RIPK3: variants seen among roughly 807,000 people sequenced by gnomAD.
The protein encoded by RIPK3 is receptor interacting serine/threonine kinase 3.
RIPK3 carries 51 observed loss-of-function variants against 51.6 expected under a neutral mutation model. That is an observed-to-expected ratio of 0.99 (90% CI 0.79 to 1.25). The LOEUF is 1.25. Among genes scored for constraint, RIPK3 ranks in the 50% most tolerant of loss-of-function variants. RIPK3 has a pLI of 0.00. For synonymous variants in RIPK3, 246 were observed against 257.7 expected, an observed-to-expected ratio of 0.95 and a Z score of 0.44; for missense variants, 654 against 650.4, an observed-to-expected ratio of 1.01 and a Z score of -0.06.
Position 24,336,502 on chromosome 14 carries a change from G to A in RIPK3, c.1337-107C>T, listed in dbSNP as rs559033267. 6.1e-5 allele frequency: 89 copies of A among 1,462,628 alleles called. No individual in the cohort carries two copies. The African/African-American group carries it at 8.9e-4, about 15-fold the overall frequency. The allele number at this position is 1,462,628 out of a possible 1,614,324, so 90.6% of individuals were successfully genotyped here. A position where few individuals can be genotyped will look rare whatever the true frequency, so the allele number is the denominator to read the frequency against. ...TCTACTTGTCAGTGGCTGTGTCAAGGTGTGCCCTGTGCTCCTCCCCTCAGA... is the reference window on the plus strand; with the variant it reads ...TCTACTTGTCAGTGGCTGTGTCAAGATGTGCCCTGTGCTCCTCCCCTCAGA... On this transcript the variant is annotated intron_variant, in intron 9 of 9. Transcript: ENST00000216274.
At position 24,339,838 on chromosome 14, in the gene RIPK3, G is replaced by T. The variant is rs767061370; in HGVS notation, c.-12C>A. Reference sequence around the variant, plus strand: ...TTGACGCACGACATCAGGCTGGAAGGTGCCAGGGGGCCTCTGGAAATTGCG... The same window carrying T: ...TTGACGCACGACATCAGGCTGGAAGTTGCCAGGGGGCCTCTGGAAATTGCG... On this transcript the variant is annotated 5_prime_UTR_variant, in exon 1 of 10. Transcript: ENST00000216274. The surrounding 1 kb of genome is among the most constrained non-coding windows in gnomAD (Gnocchi z 4.0). The T allele has an allele frequency of 1.3e-6, 2 of 1,557,386 alleles. No individual in the cohort carries two copies. Among genetic ancestry groups the T allele is most frequent in the Non-Finnish European group, 1.7e-6 (2 of 1,156,534 alleles).
At position 24,339,251 on chromosome 14, in the gene RIPK3, T is replaced by C; in HGVS notation, c.235A>G (p.Ile79Val). ...TCTTGGTCCCAGTTCACCTTCTCGATAACCCCTTCTAGGCGCAGCACGAAT... is the reference window on the plus strand; with the variant it reads ...TCTTGGTCCCAGTTCACCTTCTCGACAACCCCTTCTAGGCGCAGCACGAAT... ...NEFVLRLEGV[I>V]EKVNWDQDPK... Residue 79 changes from isoleucine to valine, a missense_variant, in exon 3 of 10, where the codon ATC becomes GTC. Coordinates refer to ENST00000216274, the MANE Select transcript of RIPK3 (RefSeq NM_006871.4). This position sits in a 1 kb window ranked among gnomAD's most constrained non-coding sequence, Gnocchi z 4.0. 1 of 1,614,224 alleles carries C rather than the reference T, an allele frequency of 6.2e-7. No homozygotes were observed. Among genetic ancestry groups the C allele is most frequent in the Non-Finnish European group, 8.5e-7 (1 of 1,180,034 alleles).
rs773479546 is a variant in RIPK3, at chr14:24,336,294, C to T, written c.1438G>A (p.Ala480Thr). The T allele has an allele frequency of 3.1e-6, 5 of 1,614,046 alleles. No individual in the cohort carries two copies. In the East Asian group the frequency reaches 8.9e-5, roughly 29 times the overall value. ...AAGCCCCTCCCCTTGCCCGAAGGTG[C>T]CAAGCCCCATGTGGGCAAGGCAGTT... ...QTTALPTWGL[A>T]PSGKGRGLQH... The change falls in exon 10 of 10, where the codon GCA (alanine) becomes ACA (threonine). Residue 480 changes from alanine to threonine, a missense_variant. Ala to Thr is a moderately conservative substitution (Grantham distance 58, BLOSUM62 0). Coordinates refer to ENST00000216274, the MANE Select transcript of RIPK3 (RefSeq NM_006871.4).
chr14:24,336,500 A>G lies in RIPK3; in HGVS notation c.1337-105T>C, dbSNP rs1458993405. On this transcript the variant is annotated intron_variant, in intron 9 of 9. Coordinates refer to ENST00000216274, the MANE Select transcript of RIPK3 (RefSeq NM_006871.4). ...TCTCTACTTGTCAGTGGCTGTGTCAAGGTGTGCCCTGTGCTCCTCCCCTCA... is the reference window on the plus strand; with the variant it reads ...TCTCTACTTGTCAGTGGCTGTGTCAGGGTGTGCCCTGTGCTCCTCCCCTCA... The G allele has an allele frequency of 6.1e-6, 9 of 1,487,096 alleles. No homozygotes were observed. The East Asian group carries it at 1.6e-4, about 26-fold the overall frequency. The allele number at this position is 1,487,096 out of a possible 1,614,324, so 92.1% of individuals were successfully genotyped here.
At position 24,336,211 on chromosome 14, in the gene RIPK3, G is replaced by A; in HGVS notation, c.1521C>T (p.Ser507=). ...TATGATTATACCAACCCTGTGGCCTGCTCCAGGCTTCAGGATCTTTAGGGC... is the reference window on the plus strand; with the variant it reads ...TATGATTATACCAACCCTGTGGCCTACTCCAGGCTTCAGGATCTTTAGGGC... ...QEGPKDPEAW[S]RPQGWYNHSG... is the part of the protein sequence containing the mutation. Residue 507 remains serine, a synonymous_variant, in exon 10 of 10, where the codon AGC becomes AGT. Coordinates refer to ENST00000216274, the MANE Select transcript of RIPK3 (RefSeq NM_006871.4). The A allele has an allele frequency of 1.9e-6, 3 of 1,614,024 alleles. No individual in the cohort carries two copies. Among genetic ancestry groups the A allele is most frequent in the Non-Finnish European group, 2.5e-6 (3 of 1,180,006 alleles).
chr14:24,336,061 G>C lies in RIPK3; in HGVS notation c.*114C>G. 1.9e-6 allele frequency: 2 copies of C among 1,047,638 alleles called. No individual in the cohort carries two copies. Among genetic ancestry groups the C allele is most frequent in the Non-Finnish European group, 2.7e-6 (2 of 728,198 alleles). 64.9% of individuals were successfully genotyped at this position (1,047,638 alleles called of 1,614,324 possible). ...CATGTTTATTGACTCCTGGGGGACA[G>C]GTCACAAAGTCAGTTTGTGGGCAGG... On this transcript the variant is annotated 3_prime_UTR_variant, in exon 10 of 10. Transcript: ENST00000216274.
chr14:24,337,798 A>C (rs1229006143), intron 6 of RIPK3, 36 bp from the exon 7 acceptor site: 2 of 1,613,954 alleles, frequency 1.2e-6, no homozygotes, highest in Admixed American at 1.7e-5. Context: ...AGGTGAGCAA[A>C]TCTTCTTTTC....
At position 24,339,468 on chromosome 14, in the gene RIPK3, C is replaced by A; in HGVS notation, c.150G>T (p.Lys50Asn). ...HRKWGYDVAV[K>N]IVNSKAISRE... ...CCGGGGTCACTCACGAGTTTACGAT[C>A]TTGACCGCCACATCGTAGCCCCACT... The change falls in exon 2 of 10, where the codon AAG (lysine) becomes AAT (asparagine). Residue 50 changes from lysine to asparagine, a missense_variant. Coordinates refer to ENST00000216274, the MANE Select transcript of RIPK3 (RefSeq NM_006871.4). The surrounding 1 kb of genome is among the most constrained non-coding windows in gnomAD (Gnocchi z 4.0). 6.2e-7 allele frequency: 1 copy of A among 1,614,204 alleles called. No individual in the cohort carries two copies. The highest frequency in any genetic ancestry group is 8.5e-7 in the Non-Finnish European group (1 of 1,180,028).
chr14:24,338,910 C>T (rs772528064), intron 3 of RIPK3, 105 bp downstream of exon 3: 5 of 939,372 alleles, frequency 5.3e-6, no homozygotes, highest in African/African-American at 3.3e-5. Context: ...AGAGAGGCTA[C>T]GCCTATTCAA....
In RIPK3 at chr14:24,339,006, C is replaced by A. The variant is rs966111463; in HGVS notation, c.471+9G>T. Reference sequence around the variant, plus strand: ...GTCTTGAGGCTGAGAGGGGTGTAGACCAGCTGACCTTGACGTGCAGCTCTG... The same window carrying A: ...GTCTTGAGGCTGAGAGGGGTGTAGAACAGCTGACCTTGACGTGCAGCTCTG... On this transcript the variant is annotated intron_variant, in intron 3 of 9. Transcript: ENST00000216274. The surrounding 1 kb of genome is among the most constrained non-coding windows in gnomAD (Gnocchi z 4.0). 3 of 1,607,766 alleles carry A rather than the reference C, an allele frequency of 1.9e-6. No individual in the cohort carries two copies. The highest frequency in any genetic ancestry group is 3.3e-5 in the Admixed American group (2 of 59,988).
rs770953030 is a variant in RIPK3, at chr14:24,339,564, G to C, written c.54C>G (p.Ile18Met). 11 of 1,614,180 alleles carry C rather than the reference G, an allele frequency of 6.8e-6. No individual in the cohort carries two copies. The highest frequency in any genetic ancestry group is 9.3e-6 in the Non-Finnish European group (11 of 1,180,038). The change falls in exon 2 of 10, where the codon ATC becomes ATG. Residue 18 changes from isoleucine (I) to methionine (M), a missense_variant. By Grantham distance (10) the Ile-to-Met change is conservative. Coordinates refer to ENST00000216274, the MANE Select transcript of RIPK3 (RefSeq NM_006871.4). The surrounding 1 kb of genome is among the most constrained non-coding windows in gnomAD (Gnocchi z 4.0). Reference sequence around the variant, plus strand: ...CGAGCTCCTGGTTCTCCAGTTCCTCGATGGACACCAAGGGGGCGGGGGCAC... The same window carrying C: ...CGAGCTCCTGGTTCTCCAGTTCCTCCATGGACACCAAGGGGGCGGGGGCAC... ...PSGAPAPLVSIEELENQELVG... is the reference protein window; with the variant it reads ...PSGAPAPLVSMEELENQELVG...
chr14:24,339,113 C>T lies in RIPK3; in HGVS notation c.373G>A (p.Val125Met), dbSNP rs769413436. 2 of 1,614,184 alleles carry T rather than the reference C, an allele frequency of 1.2e-6. No individual in the cohort carries two copies. The highest frequency in any genetic ancestry group is 2.2e-5 in the South Asian group (2 of 91,086). The change falls in exon 3 of 10, where the codon GTG (valine) becomes ATG (methionine). Residue 125 changes from valine to methionine, a missense_variant. Val to Met is a conservative substitution (Grantham distance 21, BLOSUM62 1). Coordinates refer to ENST00000216274, the MANE Select transcript of RIPK3 (RefSeq NM_006871.4). The surrounding 1 kb of genome is among the most constrained non-coding windows in gnomAD (Gnocchi z 4.0). ...TCGTGCAGGTAAAACATCCCAAGCA[C>T]CACTTCTTTCAGCAGGCGGCAAAGG... ...PLLCRLLKEV[V>M]LGMFYLHDQN... is the part of the protein sequence containing the mutation.
Position 24,339,346 on chromosome 14 carries a change from G to C in RIPK3, c.162-22C>G. The C allele has an allele frequency of 6.2e-7, 1 of 1,608,348 alleles. No individual in the cohort carries two copies. Among genetic ancestry groups the C allele is most frequent in the South Asian group, 1.1e-5 (1 of 90,838 alleles). On this transcript the variant is annotated intron_variant, in intron 2 of 9. Coordinates refer to ENST00000216274, the MANE Select transcript of RIPK3 (RefSeq NM_006871.4). This position sits in a 1 kb window ranked among gnomAD's most constrained non-coding sequence, Gnocchi z 4.0. ...CTTCCTACACTCCAGGAGAGAGCTGGAGTCGCACCGGGGTCGTGGGAAAAT... is the reference window on the plus strand; with the variant it reads ...CTTCCTACACTCCAGGAGAGAGCTGCAGTCGCACCGGGGTCGTGGGAAAAT...
intron 5 of RIPK3, 99 bp from the exon 6 acceptor site, chr14:24,338,139 C>G: frequency 1.3e-6 from 2 of 1,587,014 alleles, no homozygotes; most frequent in East Asian, 2.2e-5. Flanking sequence ...TGTGGGGGCA[C>G]GAGGAGGGAG....
chr14:24,339,399 G>A lies in RIPK3; in HGVS notation c.161+58C>T, dbSNP rs564252081. 3.7e-6 allele frequency: 6 copies of A among 1,613,268 alleles called. No individual in the cohort carries two copies. The Admixed American group carries it at 8.3e-5, about 22-fold the overall frequency. On this transcript the variant is annotated intron_variant, in intron 2 of 9. Coordinates refer to ENST00000216274, the MANE Select transcript of RIPK3 (RefSeq NM_006871.4). The surrounding 1 kb of genome is among the most constrained non-coding windows in gnomAD (Gnocchi z 4.0). ...CTCCCTTCGCCATTCAGGCCCCAGAGCACAGTGGCTCCACCTTTTTGGCCA... is the reference window on the plus strand; with the variant it reads ...CTCCCTTCGCCATTCAGGCCCCAGAACACAGTGGCTCCACCTTTTTGGCCA...
intron 5 of RIPK3, 49 bp downstream of exon 5, chr14:24,338,200 G>C (rs1186523027): frequency 6.5e-7 from 1 of 1,537,426 alleles, no homozygotes; most frequent in Non-Finnish European, 8.8e-7. Flanking sequence ...GGGCTTTCAA[G>C]AGAAGGGCAC....
chr14:24,337,260 G>A lies in RIPK3; in HGVS notation c.1101C>T (p.Ser367=), dbSNP rs1463084601. ...CTTGTGCCCTGCTCCTCTTGGTAAG[G>A]CTCGGGCATTTTTTAGGAACAGAGC... ...PPSSVPKKCP[S]LTKRSRAQEE... Residue 367 remains serine, a synonymous_variant, in exon 8 of 10, where the codon AGC becomes AGT. Transcript: ENST00000216274. 6.2e-7 allele frequency: 1 copy of A among 1,613,934 alleles called. No homozygotes were observed. The highest frequency in any genetic ancestry group is 8.5e-7 in the Non-Finnish European group (1 of 1,180,028).
At position 24,338,661 on chromosome 14, in the gene RIPK3, T is replaced by C. The variant is rs1037269528; in HGVS notation, c.472-94A>G. On this transcript the variant is annotated intron_variant, in intron 3 of 9. Coordinates refer to ENST00000216274, the MANE Select transcript of RIPK3 (RefSeq NM_006871.4). ...TGCCCCCAGAAGGTGCAGGTTCAGC[T>C]TTGTAAAGGGAGTGTGGAGGTCAAG... The C allele has an allele frequency of 4.7e-6, 7 of 1,494,732 alleles. No individual in the cohort carries two copies. The East Asian group carries it at 6.9e-5, about 15-fold the overall frequency. 92.6% of individuals were successfully genotyped at this position (1,494,732 alleles called of 1,614,324 possible).
At position 24,338,466 on chromosome 14, in the gene RIPK3, A is replaced by G; in HGVS notation, c.573T>C (p.Phe191=). Residue 191 remains phenylalanine (F), a synonymous_variant, in exon 4 of 10, where the codon TTT becomes TTC. Transcript: ENST00000216274. The part of the protein sequence containing the change: ...GTLGYLAPEL[F]VNVNRKASTA... The stretch of plus-strand genomic sequence containing the variant: ...TGGAGGCCTTCCGGTTTACGTTAAC[A>G]AACAGTTCTGGGGCCAAGTAGCCCA... 6.2e-7 allele frequency: 1 copy of G among 1,613,834 alleles called. No individual in the cohort carries two copies. Among genetic ancestry groups the G allele is most frequent in the South Asian group, 1.1e-5 (1 of 91,076 alleles).
Sources: allele counts gnomAD v4.1 joint callset, GRCh38; gene constraint gnomAD v4.1.1; non-coding constraint Gnocchi (gnomAD v3.1); transcripts MANE v1.5; gene names NCBI Gene and HGNC (gene_info 2026-07-23, HGNC 2026-07-21).